ALDH1A1: variants seen among roughly 807,000 people sequenced by gnomAD.
ALDH1A1 encodes aldehyde dehydrogenase 1 family member A1.
ALDH1A1 carries 19 observed loss-of-function variants against 62.1 expected under a neutral mutation model. That is an observed-to-expected ratio of 0.31 (90% CI 0.21 to 0.45). ALDH1A1 has a LOEUF of 0.45. Among genes scored for constraint, ALDH1A1 ranks in the 20% least tolerant of loss-of-function variants. The pLI is 1.00. For missense variants in ALDH1A1, 521 were observed against 607.1 expected (o/e 0.86, Z 1.49); for synonymous variants, 231 against 215.9 (o/e 1.07, Z -0.61).
chr9:72,906,278 C>G (rs1829877843), intron 11 of ALDH1A1, among the ~76,000 whole-genome samples: 1 of 152,040 alleles, frequency 6.6e-6, no homozygotes, highest in African/African-American at 2.4e-5. Context: ...TACATTGTGT[C>G]CCTGAGAAGT....
Position 72,918,964 on chromosome 9 carries a change from G to A in ALDH1A1, c.748-142C>T, listed in dbSNP as rs370561141. 96 of 590,930 alleles carry A rather than the reference G, an allele frequency of 1.6e-4. No individual in the cohort carries two copies. The African/African-American group carries it at 1.6e-3, about 10-fold the overall frequency. The allele number at this position is 590,930 out of a possible 1,614,324, so 36.6% of individuals were successfully genotyped here. A position where few individuals can be genotyped will look rare whatever the true frequency, so the allele number is the denominator to read the frequency against. On this transcript the variant is annotated intron_variant, in intron 7 of 12. Coordinates refer to ENST00000297785, the MANE Select transcript of ALDH1A1 (RefSeq NM_000689.5). ...ACCAAATGGCTTTTTTTTTTGAGAC[G>A]AAGTCTCACACTGTCGACTGGGCTG... is the stretch of plus-strand genomic sequence containing the variant.
intron 12 of ALDH1A1, among the ~76,000 whole-genome samples, chr9:72,902,075 G>A (rs893932523): frequency 3.3e-5 from 5 of 151,714 alleles, no homozygotes; most frequent in Admixed American, 6.6e-5. Flanking sequence ...CAACCTCCTC[G>A]TCCCCTACCA....
At chr9:72,936,089 T>C (rs1225051000) in intron 2 of ALDH1A1, among the ~76,000 whole-genome samples, 1 of 152,202 alleles carries the variant, frequency 6.6e-6, no homozygotes, top group Non-Finnish European at 1.5e-5. Flanking sequence ...TCAGTTGGCA[T>C]TGTGACCTGA....
intron 2 of ALDH1A1, among the ~76,000 whole-genome samples, chr9:72,936,283 A>T (rs1830345485): frequency 6.6e-6 from 1 of 152,232 alleles, no homozygotes; most frequent in Non-Finnish European, 1.5e-5. Context: ...AAAAGTCCTC[A>T]GACTGCCTGA....
chr9:72,928,641 G>A (rs755603042), intron 4 of ALDH1A1, among the ~76,000 whole-genome samples: 1 of 152,186 alleles, frequency 6.6e-6, no homozygotes, highest in Admixed American at 6.5e-5. Flanking sequence ...CCAAAGGAAT[G>A]TTCTTACTTT....
intron 5 of ALDH1A1, among the ~76,000 whole-genome samples, chr9:72,926,459 G>A (rs772866196): frequency 1.1e-4 from 17 of 152,136 alleles, no homozygotes; most frequent in Non-Finnish European, 1.3e-4. Flanking sequence ...TTTAAAGCAT[G>A]TCAGTTAAAA....
intron 11 of ALDH1A1, 130 bp from the exon 12 acceptor site, chr9:72,906,162 T>A: frequency 1.7e-6 from 1 of 591,854 alleles, no homozygotes; most frequent in Non-Finnish European, 3.0e-6. Context: ...CTCATCTTGA[T>A]AAAAAAAAGT....
At chr9:72,942,467 G>T in intron 1 of ALDH1A1, 1 of 754,526 alleles carries the variant, frequency 1.3e-6, no homozygotes, top group Non-Finnish European at 1.6e-6. Flanking sequence ...TTCTATACAA[G>T]TATAAAAAAG....
At chr9:72,910,815 A>C (rs1043665147) in intron 10 of ALDH1A1, among the ~76,000 whole-genome samples, 6 of 152,168 alleles carry the variant, frequency 3.9e-5, no homozygotes, top group African/African-American at 1.4e-4. Context: ...TGTGAATCTT[A>C]ACGTTATAAA....
chr9:72,930,152 T>G (rs1259228639), intron 3 of ALDH1A1, among the ~76,000 whole-genome samples: 1 of 152,184 alleles, frequency 6.6e-6, no homozygotes, highest in Non-Finnish European at 1.5e-5. Flanking sequence ...TTTGTTTATG[T>G]TAAATTGGCT....
At chr9:72,949,332 A>G (rs1047850504) in intron 1 of ALDH1A1, among the ~76,000 whole-genome samples, 27 of 151,914 alleles carry the variant, frequency 1.8e-4, no homozygotes, top group Non-Finnish European at 3.1e-4. Context: ...AGCAATGGGC[A>G]AATGAAAGTC....
intron 11 of ALDH1A1, among the ~76,000 whole-genome samples, chr9:72,908,548 GAAAGAAGAAAGA>G (rs1307791896): frequency 3.4e-5 from 1 of 29,684 alleles, no homozygotes; most frequent in African/African-American, 1.3e-4. Flanking sequence ...AGAAAGAAAA[GAAAGAAGAAAGA>G]AAGAAAGAAA....
At chr9:72,930,804 C>G (rs1159204175) in intron 3 of ALDH1A1, 75 bp downstream of exon 3, 1 of 1,580,994 alleles carries the variant, frequency 6.3e-7, no homozygotes, top group Non-Finnish European at 8.6e-7. Context: ...TCCCTAAAAT[C>G]AAAACAACTT....
Position 72,917,022 on chromosome 9 carries a change from C to T in ALDH1A1, c.933G>A (p.Val311=). ...CAAACTCATCATAAATTGATTCTTC[C>T]ACAAAAATCCTGGATGCGGCTATAC... ...QCCIAASRIF[V]EESIYDEFVR... is the part of the protein sequence containing the mutation. The change falls in exon 9 of 13, where the codon GTG becomes GTA. Residue 311 remains valine (V), a synonymous_variant. Transcript: ENST00000297785. The T allele has an allele frequency of 6.2e-7, 1 of 1,613,870 alleles. No individual in the cohort carries two copies. The highest frequency in any genetic ancestry group is 8.5e-7 in the Non-Finnish European group (1 of 1,179,868).
chr9:72,931,697 T>C (rs1181965118), intron 2 of ALDH1A1, among the ~76,000 whole-genome samples: 2 of 152,206 alleles, frequency 1.3e-5, no homozygotes, highest in East Asian at 3.8e-4. Flanking sequence ...CTCATTCCTC[T>C]TGTGCAGAGG....
chr9:72,936,672 C>A (rs1444719216), intron 2 of ALDH1A1, among the ~76,000 whole-genome samples: 1 of 152,142 alleles, frequency 6.6e-6, no homozygotes, highest in Non-Finnish European at 1.5e-5. Flanking sequence ...TTATAGGGCA[C>A]AGGCTTCTGG....
chr9:72,919,844 T>A (rs348460), intron 7 of ALDH1A1, among the ~76,000 whole-genome samples: 1 of 152,158 alleles, frequency 6.6e-6, no homozygotes, highest in Non-Finnish European at 1.5e-5. Flanking sequence ...ATGCTAGTTT[T>A]CCCTTTTCAG....
Position 72,928,894 on chromosome 9 carries a change from A to T in ALDH1A1, c.440T>A (p.Ile147Asn). 2 of 1,613,420 alleles carry T rather than the reference A, an allele frequency of 1.2e-6. No individual in the cohort carries two copies. The highest frequency in any genetic ancestry group is 1.7e-6 in the Non-Finnish European group (2 of 1,179,698). The change falls in exon 4 of 13, where the codon ATT becomes AAT. Residue 147 changes from isoleucine to asparagine, a missense_variant and splice_region_variant. By Grantham distance (149) the Ile-to-Asn change is moderately radical. Transcript: ENST00000297785. Reference protein sequence around the residue: ...ADKIQGRTIPIDGNFFTYTRH... With the variant: ...ADKIQGRTIPNDGNFFTYTRH... ...AGTGGTTTCTCAAAGATACTTACCA[A>T]TTGGTATTGTACGGCCCTGGATCTT...
intron 10 of ALDH1A1, 46 bp downstream of exon 10, chr9:72,911,912 A>T: frequency 6.2e-7 from 1 of 1,608,178 alleles, no homozygotes; most frequent in South Asian, 1.1e-5. Flanking sequence ...ACACAAACAG[A>T]CAAAACATGG....
Sources: allele counts gnomAD v4.1 joint callset (sites outside exome capture counted in the v4.1 genomes callset), GRCh38; gene constraint gnomAD v4.1.1; transcripts MANE v1.5; gene names NCBI Gene and HGNC (gene_info 2026-07-23, HGNC 2026-07-21).